Variants in UBL3 observed in about 807,000 individuals in gnomAD.
UBL3 encodes the protein ubiquitin like 3, also known as ubiquitin-like protein 3.
UBL3 carries 6 observed loss-of-function variants against 18.4 expected under a neutral mutation model. The ratio of observed to expected loss-of-function variants is 0.33; its 90% CI spans 0.18 to 0.64. The LOEUF (loss-of-function observed/expected upper bound fraction) is 0.64. UBL3 is among the 30% of genes least tolerant of loss of function. The pLI, the probability that UBL3 is intolerant of heterozygous loss-of-function variation, is 0.76. For missense variants in UBL3, 109 were observed against 142.9 expected (o/e 0.76, Z 1.21); for synonymous variants, 49 against 46.6 (o/e 1.05, Z -0.21).
chr13:29,779,230 T>G (rs766157482), intron 1 of UBL3: 1 of 508,198 alleles, frequency 2.0e-6, no homozygotes, highest in Non-Finnish European at 3.9e-6. Flanking sequence ...ACAATATGAA[T>G]TTCAGTCCTC....
chr13:29,780,932 G>A (rs1877156797), intron 1 of UBL3, among the ~76,000 whole-genome samples: 1 of 152,184 alleles, frequency 6.6e-6, no homozygotes, highest in Non-Finnish European at 1.5e-5. Flanking sequence ...CCAGCACTTT[G>A]CGAGGCTGAG....
At chr13:29,829,771 C>T (rs1245591852) in intron 1 of UBL3, among the ~76,000 whole-genome samples, 1 of 152,188 alleles carries the variant, frequency 6.6e-6, no homozygotes, top group Admixed American at 6.5e-5. Context: ...CACCCATCTT[C>T]TGCGTCGCTC....
chr13:29,824,591 A>C (rs2139352495), intron 1 of UBL3, among the ~76,000 whole-genome samples: 1 of 152,184 alleles, frequency 6.6e-6, no homozygotes, highest in East Asian at 1.9e-4. Context: ...AGTTCTTTGT[A>C]GATTCTGGAT....
At chr13:29,776,741 C>T (rs543397113) in intron 2 of UBL3, among the ~76,000 whole-genome samples, 1 of 151,528 alleles carries the variant, frequency 6.6e-6, no homozygotes, top group Admixed American at 6.6e-5. Flanking sequence ...TGTGGTGGCA[C>T]GTGCCTGAAG....
At chr13:29,847,399 A>C (rs2139373079) in intron 1 of UBL3, among the ~76,000 whole-genome samples, 1 of 152,354 alleles carries the variant, frequency 6.6e-6, no homozygotes, top group Admixed American at 6.5e-5. Flanking sequence ...AAAGCACCAC[A>C]GAATCAAGGC....
intron 1 of UBL3, among the ~76,000 whole-genome samples, chr13:29,790,660 T>C (rs1423045593): frequency 6.6e-6 from 1 of 152,178 alleles, no homozygotes; most frequent in Non-Finnish European, 1.5e-5. Context: ...TCATGCATGT[T>C]AACATATTAA....
intron 1 of UBL3, among the ~76,000 whole-genome samples, chr13:29,847,930 A>G (rs557159937): frequency 1.3e-5 from 2 of 152,266 alleles, no homozygotes; most frequent in South Asian, 4.1e-4. Flanking sequence ...CTAAAAGGAC[A>G]ACGCACGAGT....
chr13:29,767,264 T>C lies in UBL3; in HGVS notation c.345A>G (p.Val115=). 6.2e-7 allele frequency: 1 copy of C among 1,613,206 alleles called. No homozygotes were observed. Among genetic ancestry groups the C allele is most frequent in the Non-Finnish European group, 8.5e-7 (1 of 1,179,328 alleles). Residue 115 remains valine, a synonymous_variant, in exon 5 of 5, where the codon GTA becomes GTG. Transcript: ENST00000380680. ...ACTAGGCAGACAGTGTTTACAGGAT[T>C]ACACAACAATTACTCTCTCCAGTCT... The part of the protein sequence containing the change: ...REKTGESNCC[V]IL
rs377197068 is a variant in UBL3, at chr13:29,780,212, G to C, written c.28-2949C>G. Among the ~76,000 whole-genome samples, 80 of 151,384 alleles carry C rather than the reference G, an allele frequency of 5.3e-4. 3 individuals carry two copies. The East Asian group carries it at 9.7e-3, about 18-fold the overall frequency. ...TACTAAAAACACAAAAAATTAGCCA[G>C]GCATGGTGGCGGGCACCTGTAGTCC... On this transcript the variant is annotated intron_variant, in intron 1 of 4. Coordinates refer to ENST00000380680, the MANE Select transcript of UBL3 (RefSeq NM_007106.4).
intron 1 of UBL3, among the ~76,000 whole-genome samples, chr13:29,842,126 T>G (rs1456872899): frequency 1.0e-5 from 1 of 95,898 alleles, no homozygotes; most frequent in Non-Finnish European, 2.2e-5. Flanking sequence ...ACTCCTCCCA[T>G]TCTCTTTCTT....
Position 29,764,496 on chromosome 13 carries a change from C to T in UBL3, c.*2759G>A, listed in dbSNP as rs552444398. On this transcript the variant is annotated 3_prime_UTR_variant, in exon 5 of 5. Coordinates refer to ENST00000380680, the MANE Select transcript of UBL3 (RefSeq NM_007106.4). The stretch of plus-strand genomic sequence containing the variant: ...ACAGAAATTACTGTAACATTGGTCA[C>T]GATGACTTCATAAAACTAAAGATAA... The T allele has an allele frequency of 4.6e-5, 7 of 152,244 alleles. No homozygotes were observed. The highest frequency in any genetic ancestry group is 2.1e-4 in the South Asian group (1 of 4,824). The allele number at this position is 152,244 out of a possible 1,614,324, so 9.4% of individuals were successfully genotyped here.
intron 1 of UBL3, among the ~76,000 whole-genome samples, chr13:29,812,062 C>G (rs1878103251): frequency 6.6e-6 from 1 of 152,012 alleles, no homozygotes; most frequent in Non-Finnish European, 1.5e-5. Flanking sequence ...CCATCTAAAT[C>G]TTATCAATTT....
intron 1 of UBL3, among the ~76,000 whole-genome samples, chr13:29,793,923 C>T (rs1877543367): frequency 6.6e-6 from 1 of 152,178 alleles, no homozygotes; most frequent in South Asian, 2.1e-4. Flanking sequence ...TGGCTCACTG[C>T]AACCTCCACC....
chr13:29,768,327 G>A lies in UBL3; in HGVS notation c.224-632C>T, dbSNP rs118081160. Among the ~76,000 whole-genome samples, 386 of 151,940 alleles carry A rather than the reference G, an allele frequency of 2.5e-3. 3 individuals are homozygous for A. Among genetic ancestry groups the A allele is most frequent in the Non-Finnish European group, 2.7e-3 (184 of 67,908 alleles). On this transcript the variant is annotated intron_variant, in intron 3 of 4. Transcript: ENST00000380680. ...TTTATCATGAAATATTTCAGACATA[G>A]AACACACACCCATGTCCACTAAGGC...
At chr13:29,790,535 C>T (rs751260332) in intron 1 of UBL3, among the ~76,000 whole-genome samples, 54 of 152,062 alleles carry the variant, frequency 3.6e-4, no homozygotes, top group Non-Finnish European at 7.8e-4. Context: ...CTATAATTCC[C>T]AAAGTTATGT....
At chr13:29,814,707 G>C (rs1329845508) in intron 1 of UBL3, among the ~76,000 whole-genome samples, 1 of 152,124 alleles carries the variant, frequency 6.6e-6, no homozygotes, top group African/African-American at 2.4e-5. Context: ...ACCTAGGCGG[G>C]CTGCTGTCCA....
intron 1 of UBL3, among the ~76,000 whole-genome samples, chr13:29,779,872 T>C (rs1378018475): frequency 6.6e-6 from 1 of 152,100 alleles, no homozygotes; most frequent in Admixed American, 6.6e-5. Flanking sequence ...GTAATTAAAG[T>C]TAAAGTGAGA....
At chr13:29,823,388 G>A (rs146201800) in intron 1 of UBL3, among the ~76,000 whole-genome samples, 3,512 of 152,208 alleles carry the variant, frequency 0.023, 68 homozygotes, top group Non-Finnish European at 0.03. Context: ...TGATCCGCCC[G>A]CCTTCGGCCT....
intron 1 of UBL3, among the ~76,000 whole-genome samples, chr13:29,784,841 A>ACG (rs71786701): frequency 6.6e-6 from 1 of 151,660 alleles, no homozygotes; most frequent in East Asian, 1.9e-4. Flanking sequence ...ACACACATGC[A>ACG]CACACACACA....
Sources: allele counts gnomAD v4.1 joint callset (sites outside exome capture counted in the v4.1 genomes callset), GRCh38; gene constraint gnomAD v4.1.1; transcripts MANE v1.5; gene names NCBI Gene and HGNC (gene_info 2026-07-23, HGNC 2026-07-21).